Variants in RFPL3 observed in about 807,000 individuals in gnomAD.
RFPL3 encodes ret finger protein-like 3.
In RFPL3, 8 loss-of-function variants were observed where a neutral mutation model predicts 8.7. The observed-to-expected ratio is 0.92, with a 90% CI of 0.54 to 1.66. RFPL3 has a LOEUF of 1.66. Among genes scored for constraint, RFPL3 ranks in the 40% most tolerant of loss-of-function variants. The pLI is 0.00. For missense variants in RFPL3, 341 were observed against 395.0 expected, an observed-to-expected ratio of 0.86 and a Z score of 1.16; for synonymous variants, 145 against 150.5, an observed-to-expected ratio of 0.96 and a Z score of 0.27.
At chr22:32,356,920 C>G (rs1372535278), upstream of RFPL3, 2 of 507,840 alleles carry the variant, frequency 3.9e-6, no homozygotes, top group Non-Finnish European at 8.0e-6. Context: ...AGCAGTGTGG[C>G]CTTTTGGCTT....
upstream of RFPL3, among the ~76,000 whole-genome samples, chr22:32,355,162 ACTCTGATTGGACTTTGTTATCATG>A (rs1254248020): frequency 1.3e-5 from 2 of 151,936 alleles, no homozygotes; most frequent in South Asian, 2.1e-4. Context: ...CTCTAGGCCT[ACTCTGATTGGACTTTGTTATCATG>A]TTCTGATTGG....
chr22:32,357,856 A>C (rs1474779287), upstream of RFPL3: 1 of 1,431,200 alleles, frequency 7.0e-7, no homozygotes, highest in African/African-American at 1.4e-5. Flanking sequence ...GCTGTTCCTC[A>C]CATGGGTGCT....
chr22:32,360,855 G>T lies in RFPL3; in HGVS notation c.*23G>T. 6.6e-7 allele frequency: 1 copy of T among 1,505,866 alleles called. No individual in the cohort carries two copies. Among genetic ancestry groups the T allele is most frequent in the Non-Finnish European group, 8.9e-7 (1 of 1,128,524 alleles). The allele number at this position is 1,505,866 out of a possible 1,614,324, so 93.3% of individuals were successfully genotyped here. ...TAAGCCGCCACTGCAAAAAAAAACAGGGTCAGAAAATTACTTGGGTGGGTA... is the reference window on the plus strand; with the variant it reads ...TAAGCCGCCACTGCAAAAAAAAACATGGTCAGAAAATTACTTGGGTGGGTA... On this transcript the variant is annotated 3_prime_UTR_variant, in exon 2 of 2. Coordinates refer to ENST00000249007, the MANE Select transcript of RFPL3 (RefSeq NM_001098535.1).
upstream of RFPL3, among the ~76,000 whole-genome samples, chr22:32,357,389 C>G (rs1464698092): frequency 6.6e-6 from 1 of 151,976 alleles, no homozygotes; most frequent in Non-Finnish European, 1.5e-5. Context: ...AGACTCGTCT[C>G]AAATTCCTGG....
At chr22:32,355,409 C>A (rs933156794), upstream of RFPL3, among the ~76,000 whole-genome samples, 1 of 152,126 alleles carries the variant, frequency 6.6e-6, no homozygotes, top group Non-Finnish European at 1.5e-5. Context: ...AGCCCCAGAA[C>A]CTGGGAGCCT....
chr22:32,356,428 C>CT (rs5844990), upstream of RFPL3, among the ~76,000 whole-genome samples: 13,126 of 152,104 alleles, frequency 0.086, 987 homozygotes, highest in East Asian at 0.46. Context: ...GCCTCTCCCC[C>CT]GGGCTGCTAT....
At chr22:32,357,683 C>T (rs527593066), upstream of RFPL3, among the ~76,000 whole-genome samples, 23 of 152,298 alleles carry the variant, frequency 1.5e-4, no homozygotes, top group East Asian at 1.4e-3. Flanking sequence ...AGGCTGGTCT[C>T]GAACTTTTGA....
upstream of RFPL3, chr22:32,356,702 T>G: frequency 3.0e-6 from 1 of 338,300 alleles, no homozygotes; most frequent in Non-Finnish European, 5.9e-6. Flanking sequence ...GCCACTGTCT[T>G]CTCCACAGTG....
At chr22:32,359,496 G>A (rs956816622) in intron 1 of RFPL3, among the ~76,000 whole-genome samples, 9 of 151,768 alleles carry the variant, frequency 5.9e-5, no homozygotes, top group East Asian at 1.9e-4. Flanking sequence ...GAGAATTGGC[G>A]GCTTCACCTG....
At chr22:32,356,192 C>T (rs560853455), upstream of RFPL3, among the ~76,000 whole-genome samples, 46 of 152,044 alleles carry the variant, frequency 3.0e-4, no homozygotes, top group African/African-American at 1.0e-3. Flanking sequence ...GATTTCAAGG[C>T]TAAAGAAACA....
At chr22:32,357,770 C>T (rs4577392), upstream of RFPL3, 1 of 1,005,958 alleles carries the variant, frequency 9.9e-7, no homozygotes, top group South Asian at 2.4e-5. Flanking sequence ...CCCAGCCTCT[C>T]AGCTCCTAAT....
chr22:32,360,211 C>A (rs369448389), intron 1 of RFPL3, 41 bp from the exon 2 acceptor site: 8 of 1,582,146 alleles, frequency 5.1e-6, no homozygotes, highest in Non-Finnish European at 5.2e-6. Flanking sequence ...ATGGGGTTGG[C>A]TTCTGTCCAC....
chr22:32,356,838 T>C (rs537885170), upstream of RFPL3: 250 of 434,822 alleles, frequency 5.7e-4, 1 homozygote, highest in Non-Finnish European at 9.5e-4. Flanking sequence ...TTCCGTACCC[T>C]GGGTGACAGG....
In RFPL3 at chr22:32,358,523, C is replaced by T. The variant is rs9621428; in HGVS notation, c.373+79C>T. 7,193 of 1,523,576 alleles carry T rather than the reference C, an allele frequency of 4.7e-3. 188 individuals are homozygous for T. The African/African-American group carries it at 0.07, about 15-fold the overall frequency. The allele number at this position is 1,523,576 out of a possible 1,614,324, so 94.4% of individuals were successfully genotyped here. A position where few individuals can be genotyped will look rare whatever the true frequency, so the allele number is the denominator to read the frequency against. ...TCTGTGCAGTTGGCCCCTCATTCCA[C>T]ATGGGGATTAGCTGCTGTCTGGCAC... is the stretch of plus-strand genomic sequence containing the variant. On this transcript the variant is annotated intron_variant, in intron 1 of 1. Coordinates refer to ENST00000249007, the MANE Select transcript of RFPL3 (RefSeq NM_001098535.1).
At position 32,361,005 on chromosome 22, in the gene RFPL3, A is replaced by C; in HGVS notation, c.*173A>C. The C allele has an allele frequency of 1.4e-5, 8 of 581,932 alleles. No individual in the cohort carries two copies. The highest frequency in any genetic ancestry group is 2.2e-5 in the Non-Finnish European group (8 of 369,530). The allele number at this position is 581,932 out of a possible 1,614,324, so 36.0% of individuals were successfully genotyped here. On this transcript the variant is annotated 3_prime_UTR_variant, in exon 2 of 2. Transcript: ENST00000249007. The stretch of plus-strand genomic sequence containing the variant: ...GTCGTAAGTATTAATTATTGCCACC[A>C]TCCAACTCATTGAGTCTTATGGTTC...
chr22:32,357,712 C>T (rs1473118320), upstream of RFPL3, among the ~76,000 whole-genome samples: 1 of 152,238 alleles, frequency 6.6e-6, no homozygotes, highest in Non-Finnish European at 1.5e-5. Flanking sequence ...GATGATCCAC[C>T]CACCTTGGCC....
In RFPL3 at chr22:32,360,148, A is replaced by G. The variant is rs538388667; in HGVS notation, c.374-104A>G. 3.4e-5 allele frequency: 49 copies of G among 1,426,010 alleles called. 1 individual carries two copies. In the African/African-American group the frequency reaches 5.7e-4, roughly 17 times the overall value. The allele number at this position is 1,426,010 out of a possible 1,614,324, so 88.3% of individuals were successfully genotyped here. The stretch of plus-strand genomic sequence containing the variant: ...TTTTGATTTTGGAGGAAGAAACAGA[A>G]TTAAAGAAACTAAAGTCAGGAGATA... On this transcript the variant is annotated intron_variant, in intron 1 of 1. Transcript: ENST00000249007.
upstream of RFPL3, among the ~76,000 whole-genome samples, chr22:32,356,506 T>C (rs148935433): frequency 0.069 from 10,562 of 152,074 alleles, 512 homozygotes; most frequent in African/African-American, 0.13. Flanking sequence ...AATTATATGT[T>C]AGCTAAGAAA....
At chr22:32,357,473 T>C (rs199532949), upstream of RFPL3, among the ~76,000 whole-genome samples, 61 of 103,650 alleles carry the variant, frequency 5.9e-4, no homozygotes, top group Middle Eastern at 5.1e-3. Context: ...TCCAGCCCCC[T>C]TTTTTTTTTT....
Sources: gnomAD v4.1 joint callset for allele counts (sites outside exome capture counted in the v4.1 genomes callset) on GRCh38, gnomAD v4.1.1 for gene constraint, MANE v1.5 for transcripts, NCBI Gene and HGNC (gene_info 2026-07-23, HGNC 2026-07-21) for gene names.